The following GFRAL variants were observed in gnomAD, a reference collection of about 807,000 sequenced individuals.
The protein encoded by GFRAL is GDNF family receptor alpha like, also known as GDNF family receptor alpha-like.
GFRAL carries 36 observed loss-of-function variants against 45.4 expected under a neutral mutation model. The observed-to-expected ratio is 0.79, with a 90% CI of 0.61 to 1.05. GFRAL has a LOEUF of 1.05. Ranked by LOEUF, GFRAL falls within the 50% of genes least tolerant of loss-of-function variation. GFRAL has a pLI of 0.00. For missense variants in GFRAL, 507 were observed against 467.5 expected (o/e 1.08, Z -0.78); for synonymous variants, 166 against 154.1 (o/e 1.08, Z -0.57).
intron 3 of GFRAL, among the ~76,000 whole-genome samples, chr6:55,334,558 A>G (rs1767868397): frequency 2.0e-5 from 3 of 152,282 alleles, no homozygotes; most frequent in Non-Finnish European, 4.4e-5. Context: ...CAATGTCCCT[A>G]TATACTCCGA....
chr6:55,381,033 T>C (rs1309853917), intron 6 of GFRAL, among the ~76,000 whole-genome samples: 1 of 152,014 alleles, frequency 6.6e-6, no homozygotes, highest in Non-Finnish European at 1.5e-5. Flanking sequence ...TTTTCCTTTT[T>C]ATAGATCTGC....
chr6:55,354,261 A>G (rs1768157475), intron 5 of GFRAL, among the ~76,000 whole-genome samples: 2 of 151,976 alleles, frequency 1.3e-5, no homozygotes, highest in African/African-American at 4.8e-5. Flanking sequence ...TCCCCTTGGT[A>G]TCAACACCTT....
At chr6:55,392,663 T>C (rs1031587708) in intron 6 of GFRAL, among the ~76,000 whole-genome samples, 3 of 151,976 alleles carry the variant, frequency 2.0e-5, no homozygotes, top group South Asian at 2.1e-4. Flanking sequence ...AACCTCAGGG[T>C]GAAAAGTTTG....
chr6:55,331,620 T>C (rs1767830300), intron 1 of GFRAL, 95 bp from the exon 2 acceptor site: 1 of 1,100,256 alleles, frequency 9.1e-7, no homozygotes, highest in Admixed American at 2.5e-5. Context: ...CATGTTATTT[T>C]CCATAATTCT....
intron 6 of GFRAL, among the ~76,000 whole-genome samples, chr6:55,387,753 A>G (rs578124697): frequency 2.0e-5 from 3 of 152,218 alleles, no homozygotes; most frequent in East Asian, 3.9e-4. Context: ...CATGGGTCCA[A>G]GAAAATCCTT....
intron 6 of GFRAL, among the ~76,000 whole-genome samples, chr6:55,391,716 G>A (rs1321952831): frequency 1.3e-5 from 2 of 152,126 alleles, no homozygotes. Flanking sequence ...TGTAACCTGG[G>A]CAACAAAGCA....
chr6:55,397,524 CAAAAAAAA>C (rs70986715), intron 6 of GFRAL, among the ~76,000 whole-genome samples: 18 of 67,414 alleles, frequency 2.7e-4, no homozygotes, highest in Admixed American at 1.7e-3. Flanking sequence ...GACTCCGTCT[CAAAAAAAA>C]AAAAAAAAAA....
intron 5 of GFRAL, among the ~76,000 whole-genome samples, chr6:55,356,052 C>A (rs1346477073): frequency 6.6e-6 from 1 of 151,934 alleles, no homozygotes; most frequent in Non-Finnish European, 1.5e-5. Flanking sequence ...ATTGAACCAT[C>A]CTTGTATCAC....
At chr6:55,387,235 T>A (rs1204834744) in intron 6 of GFRAL, among the ~76,000 whole-genome samples, 2 of 152,174 alleles carry the variant, frequency 1.3e-5, no homozygotes, top group Non-Finnish European at 2.9e-5. Flanking sequence ...ATTTGAACAA[T>A]AACAGCCTTC....
At chr6:55,374,212 C>T (rs1198699598) in intron 6 of GFRAL, among the ~76,000 whole-genome samples, 1 of 152,120 alleles carries the variant, frequency 6.6e-6, no homozygotes, top group Non-Finnish European at 1.5e-5. Context: ...GTGAACATAT[C>T]CATGCACATA....
At chr6:55,390,867 G>A (rs4276505) in intron 6 of GFRAL, among the ~76,000 whole-genome samples, 3 of 146,206 alleles carry the variant, frequency 2.1e-5, no homozygotes, top group East Asian at 2.0e-4. Flanking sequence ...CAGCCTCGGC[G>A]ACAGAGCGAG....
At chr6:55,356,163 A>G (rs12530406) in intron 5 of GFRAL, among the ~76,000 whole-genome samples, 6,280 of 151,880 alleles carry the variant, frequency 0.041, 863 homozygotes, top group East Asian at 0.37. Flanking sequence ...GTTCTTCAGG[A>G]AAATTGTCCT....
chr6:55,398,734 T>A (rs4715541), intron 6 of GFRAL, among the ~76,000 whole-genome samples: 2 of 151,860 alleles, frequency 1.3e-5, no homozygotes, highest in South Asian at 2.1e-4. Flanking sequence ...CAGGAGAAAC[T>A]GAAGTTTTAG....
intron 2 of GFRAL, among the ~76,000 whole-genome samples, chr6:55,333,582 T>TATATTAAAAC (rs1767856569): frequency 6.6e-6 from 1 of 152,164 alleles, no homozygotes; most frequent in African/African-American, 2.4e-5. Context: ...AAAGTTTTAA[T>TATATTAAAAC]ATAGAAAGTA....
chr6:55,379,064 A>G (rs1172131369), intron 6 of GFRAL, among the ~76,000 whole-genome samples: 1 of 152,090 alleles, frequency 6.6e-6, no homozygotes, highest in Non-Finnish European at 1.5e-5. Context: ...CAGAGACTCC[A>G]TATACCAACC....
At position 55,358,886 on chromosome 6, in the gene GFRAL, A is replaced by G; in HGVS notation, c.702-2A>G. On this transcript the variant is annotated splice_acceptor_variant, in intron 5 of 8. Coordinates refer to ENST00000340465, the MANE Select transcript of GFRAL (RefSeq NM_207410.2). LOFTEE classifies it high-confidence loss of function. ...AATTATTTTTCTTCACTCTTTCTCT[A>G]GGAGGCACTATAGAACATTTCAGTC... is the stretch of plus-strand genomic sequence containing the variant. 6.2e-7 allele frequency: 1 copy of G among 1,611,260 alleles called. No individual in the cohort carries two copies. The highest frequency in any genetic ancestry group is 8.5e-7 in the Non-Finnish European group (1 of 1,178,088).
intron 6 of GFRAL, among the ~76,000 whole-genome samples, chr6:55,389,838 C>T (rs543578602): frequency 6.6e-6 from 1 of 152,212 alleles, no homozygotes; most frequent in Admixed American, 6.5e-5. Flanking sequence ...GGTGCTAATA[C>T]CTCATATGGT....
chr6:55,376,774 TA>T (rs765308450), intron 6 of GFRAL, among the ~76,000 whole-genome samples: 1 of 151,914 alleles, frequency 6.6e-6, no homozygotes, highest in African/African-American at 2.4e-5. Context: ...CTATTTTATC[TA>T]AAAAAATGGC....
chr6:55,337,771 G>A (rs976168067), intron 3 of GFRAL, among the ~76,000 whole-genome samples: 3 of 152,080 alleles, frequency 2.0e-5, no homozygotes, highest in Admixed American at 6.6e-5. Context: ...TGTAGCAGTT[G>A]CAGTGATGTC....
Sources: gnomAD v4.1 joint callset for allele counts (sites outside exome capture counted in the v4.1 genomes callset) on GRCh38, gnomAD v4.1.1 for gene constraint, MANE v1.5 for transcripts, NCBI Gene and HGNC (gene_info 2026-07-23, HGNC 2026-07-21) for gene names.